CARMIL1: variants seen among roughly 807,000 people sequenced by gnomAD.
CARMIL1 encodes capping protein regulator and myosin 1 linker 1, also known as F-actin-uncapping protein LRRC16A.
CARMIL1 carries 90 observed loss-of-function variants against 177.1 expected under a neutral mutation model. The observed-to-expected ratio is 0.51, with a 90% CI of 0.43 to 0.61. The LOEUF (loss-of-function observed/expected upper bound fraction) is 0.61. Ranked by LOEUF, CARMIL1 falls within the 20% of genes least tolerant of loss-of-function variation. CARMIL1 has a pLI of 0.00. For synonymous variants in CARMIL1, 577 were observed against 606.2 expected, an observed-to-expected ratio of 0.95 and a Z score of 0.71; for missense variants, 1,380 against 1,667.0, an observed-to-expected ratio of 0.83 and a Z score of 3.00.
intron 24 of CARMIL1, among the ~76,000 whole-genome samples, chr6:25,533,744 TC>T (rs1256649620): frequency 6.6e-6 from 1 of 152,178 alleles, no homozygotes; most frequent in Non-Finnish European, 1.5e-5. Flanking sequence ...AGTGTTCTTT[TC>T]CTTTGGCTAT....
chr6:25,491,313 G>T (rs1403016313), intron 13 of CARMIL1, among the ~76,000 whole-genome samples: 1 of 152,226 alleles, frequency 6.6e-6, no homozygotes, highest in Non-Finnish European at 1.5e-5. Context: ...AGACCATCCT[G>T]TGGTTCAGAT....
chr6:25,581,718 G>T (rs1234364023), intron 31 of CARMIL1, among the ~76,000 whole-genome samples: 2 of 152,130 alleles, frequency 1.3e-5, no homozygotes, highest in Non-Finnish European at 1.5e-5. Flanking sequence ...GAAATCCTTA[G>T]ATAGATAAGG....
intron 35 of CARMIL1, among the ~76,000 whole-genome samples, chr6:25,607,201 A>T (rs1816056322): frequency 7.1e-6 from 1 of 140,016 alleles, no homozygotes; most frequent in East Asian, 2.1e-4. Flanking sequence ...CACCACACAC[A>T]CACACACATT....
At chr6:25,448,473 C>A (rs766832258) in intron 5 of CARMIL1, among the ~76,000 whole-genome samples, 10 of 152,300 alleles carry the variant, frequency 6.6e-5, no homozygotes, top group South Asian at 2.1e-4. Flanking sequence ...CCCTAGCTCA[C>A]ACCTCCTCTC....
chr6:25,297,834 A>T (rs1453581818), intron 2 of CARMIL1, among the ~76,000 whole-genome samples: 1 of 152,322 alleles, frequency 6.6e-6, no homozygotes, highest in Non-Finnish European at 1.5e-5. Flanking sequence ...TTCTTTATTC[A>T]TCAGAGTAGG....
chr6:25,465,071 C>CAAAA lies in CARMIL1; in HGVS notation c.615-784_615-781dup, dbSNP rs558022196. On this transcript the variant is annotated intron_variant, in intron 8 of 36. Transcript: ENST00000329474. ...ATGCAGTCACTGCTAAGAACTAAAGCAAAAAAAAAAAAAAAAAAAAAGACC... is the reference window on the plus strand; with the variant it reads ...ATGCAGTCACTGCTAAGAACTAAAGCAAAAAAAAAAAAAAAAAAAAAAAAAGACC... Among the ~76,000 whole-genome samples, 255 of 61,944 alleles carry CAAAA rather than the reference C, an allele frequency of 4.1e-3. 7 individuals carry two copies. Among genetic ancestry groups the CAAAA allele is most frequent in the African/African-American group, 0.013 (234 of 17,956 alleles). The allele number at this position is 61,944 out of a possible 152,430, so 40.6% of individuals were successfully genotyped here. A position where few individuals can be genotyped will look rare whatever the true frequency, so the allele number is the denominator to read the frequency against.
chr6:25,556,921 T>TTTA (rs1554223600), intron 29 of CARMIL1, 71 bp downstream of exon 29: 271 of 1,354,994 alleles, frequency 2.0e-4, no homozygotes, highest in African/African-American at 3.3e-4. Context: ...TTTTTTTTTT[T>TTTA]AAATCTCACC....
intron 29 of CARMIL1, among the ~76,000 whole-genome samples, chr6:25,571,793 G>T (rs1472951485): frequency 6.6e-6 from 1 of 152,136 alleles, no homozygotes; most frequent in Non-Finnish European, 1.5e-5. Context: ...GAAACCATCA[G>T]ACAAATATAG....
intron 1 of CARMIL1, among the ~76,000 whole-genome samples, chr6:25,281,365 G>T (rs1052623515): frequency 2.6e-5 from 4 of 152,038 alleles, no homozygotes; most frequent in Non-Finnish European, 5.9e-5. Context: ...TGCCTGGCTG[G>T]TCAGGGGATA....
intron 5 of CARMIL1, among the ~76,000 whole-genome samples, chr6:25,444,848 C>T (rs1222785554): frequency 6.6e-6 from 1 of 152,124 alleles, no homozygotes; most frequent in Non-Finnish European, 1.5e-5. Context: ...GTGCATGTGT[C>T]TTTATAGTAG....
chr6:25,387,887 A>G (rs959589126), intron 2 of CARMIL1, among the ~76,000 whole-genome samples: 4 of 152,226 alleles, frequency 2.6e-5, no homozygotes, highest in Admixed American at 1.3e-4. Flanking sequence ...CGAGTGGGTA[A>G]TGATTTCTTT....
intron 2 of CARMIL1, among the ~76,000 whole-genome samples, chr6:25,290,750 T>TC (rs2150142462): frequency 6.6e-6 from 1 of 152,300 alleles, no homozygotes; most frequent in South Asian, 2.1e-4. Flanking sequence ...CCATCTGTTG[T>TC]CCATTTGTTT....
At chr6:25,321,431 G>A in intron 2 of CARMIL1, among the ~76,000 whole-genome samples, 1 of 152,102 alleles carries the variant, frequency 6.6e-6, no homozygotes. Flanking sequence ...AGACAAGGTG[G>A]CATCTGAATT....
At chr6:25,480,729 C>CTTTTTTTTTTTT (rs1309021528) in intron 11 of CARMIL1, among the ~76,000 whole-genome samples, 1 of 112,732 alleles carries the variant, frequency 8.9e-6, no homozygotes, top group Non-Finnish European at 1.8e-5. Context: ...TATTTGTTTC[C>CTTTTTTTTTTTT]TTTTTTTTTT....
chr6:25,440,191 C>T (rs149981411), intron 5 of CARMIL1, among the ~76,000 whole-genome samples: 474 of 152,270 alleles, frequency 3.1e-3, no homozygotes, highest in Middle Eastern at 0.01. Context: ...GCCTTCAAAC[C>T]ATGAACTCAT....
intron 2 of CARMIL1, among the ~76,000 whole-genome samples, chr6:25,411,941 T>C (rs1378643005): frequency 6.6e-6 from 1 of 152,172 alleles, no homozygotes; most frequent in African/African-American, 2.4e-5. Context: ...AGAGAGAGTC[T>C]AAGTCATGGG....
At chr6:25,283,081 A>G (rs766331928) in intron 1 of CARMIL1, among the ~76,000 whole-genome samples, 1 of 152,242 alleles carries the variant, frequency 6.6e-6, no homozygotes, top group Non-Finnish European at 1.5e-5. Context: ...CAATAGGGAA[A>G]GGGCATCCCA....
At chr6:25,423,991 G>C (rs149303338) in intron 3 of CARMIL1, among the ~76,000 whole-genome samples, 3 of 151,952 alleles carry the variant, frequency 2.0e-5, no homozygotes, top group Non-Finnish European at 2.9e-5. Flanking sequence ...CGGGGACCAG[G>C]AGCAAAGGCC....
intron 1 of CARMIL1, among the ~76,000 whole-genome samples, chr6:25,280,501 C>G (rs1780998197): frequency 6.6e-6 from 1 of 151,944 alleles, no homozygotes; most frequent in South Asian, 2.1e-4. Flanking sequence ...TAATGATTAA[C>G]CTACCGATTC....
Sources: allele counts gnomAD v4.1 joint callset (sites outside exome capture counted in the v4.1 genomes callset), GRCh38; gene constraint gnomAD v4.1.1; transcripts MANE v1.5; gene names NCBI Gene and HGNC (gene_info 2026-07-23, HGNC 2026-07-21).